The following HTR2C variants were observed in gnomAD, a reference collection of about 807,000 sequenced individuals.
HTR2C encodes the protein 5-hydroxytryptamine receptor 2C.
Under a neutral mutation model 21.0 loss-of-function variants are expected in HTR2C, and 5 were observed. That is an observed-to-expected ratio of 0.24 (90% CI 0.12 to 0.50). The LOEUF is 0.50. HTR2C is among the 20% of genes least tolerant of loss of function. HTR2C has a pLI of 0.98. For missense variants in HTR2C, 271 were observed against 371.2 expected (o/e 0.73, Z 2.22); for synonymous variants, 150 against 145.3 (o/e 1.03, Z -0.23).
intron 2 of HTR2C, among the ~76,000 whole-genome samples, chrX:114,693,276 G>C (rs1932164332): frequency 9.0e-6 from 1 of 111,212 alleles, no homozygotes; most frequent in South Asian, 3.8e-4. Context: ...GGGAAGTATG[G>C]AGAGAAAAGA....
intron 2 of HTR2C, among the ~76,000 whole-genome samples, chrX:114,710,610 T>A: frequency 8.9e-6 from 1 of 111,834 alleles, no homozygotes; most frequent in African/African-American, 3.2e-5. Flanking sequence ...CATCACTTGG[T>A]GTATAATAAT....
chrX:114,907,189 G>T lies in HTR2C; in HGVS notation c.1151G>T (p.Arg384Leu), dbSNP rs782297351. 8.3e-7 allele frequency: 1 copy of T among 1,210,660 alleles called. No individual in the cohort carries two copies. Among genetic ancestry groups the T allele is most frequent in the East Asian group, 3.0e-5 (1 of 33,802 alleles). Residue 384 changes from arginine to leucine, a missense_variant, in exon 6 of 6, where the codon CGT (arginine) becomes CTT (leucine). Physicochemically the swap from Arg to Leu is moderately radical, Grantham distance 102. This residue lies in a region of HTR2C where 192 missense variants were observed against 247.2 expected (regional missense o/e 0.78). Transcript: ENST00000276198. Reference protein sequence around the residue: ...IYRRAFSNYLRCNYKVEKKPP... With the variant: ...IYRRAFSNYLLCNYKVEKKPP... ...CGAAGGGCATTCTCCAACTATTTGC[G>T]TTGCAATTATAAGGTAGAGAAAAAG...
chrX:114,631,910 A>G (rs1929642992), intron 2 of HTR2C, among the ~76,000 whole-genome samples: 1 of 111,900 alleles, frequency 8.9e-6, no homozygotes, highest in East Asian at 2.8e-4. Flanking sequence ...CTGTTCATTC[A>G]CCTTGTTAGC....
At chrX:114,675,053 A>G (rs72620910) in intron 2 of HTR2C, among the ~76,000 whole-genome samples, 1 of 112,338 alleles carries the variant, frequency 8.9e-6, no homozygotes, top group African/African-American at 3.2e-5. Context: ...TTGCTTCTAC[A>G]TTGTGTCTAC....
intron 2 of HTR2C, among the ~76,000 whole-genome samples, chrX:114,673,550 T>C (rs1931455001): frequency 9.0e-6 from 1 of 111,655 alleles, no homozygotes; most frequent in Non-Finnish European, 1.9e-5. Flanking sequence ...TTTGATATTC[T>C]TAAATCCTAC....
At chrX:114,896,095 A>G (rs782721123) in intron 5 of HTR2C, among the ~76,000 whole-genome samples, 18 of 110,823 alleles carry the variant, frequency 1.6e-4, no homozygotes, top group African/African-American at 5.6e-4. Context: ...TTTTCTTGTG[A>G]TTTCTTTTTT....
intron 4 of HTR2C, among the ~76,000 whole-genome samples, chrX:114,815,602 G>A (rs1192647092): frequency 9.0e-6 from 1 of 111,576 alleles, no homozygotes; most frequent in Non-Finnish European, 1.9e-5. Flanking sequence ...ATATCTTGAT[G>A]ACCTCCAACC....
chrX:114,818,726 C>G (rs782563160), intron 4 of HTR2C, among the ~76,000 whole-genome samples: 113 of 111,444 alleles, frequency 1.0e-3, no homozygotes, highest in Non-Finnish European at 1.8e-3. Context: ...AAAACCACAT[C>G]CATTATTTTA....
chrX:114,871,170 T>A (rs1556476444), intron 5 of HTR2C, among the ~76,000 whole-genome samples: 1 of 111,776 alleles, frequency 8.9e-6, no homozygotes, highest in Non-Finnish European at 1.9e-5. Flanking sequence ...CCTTCTAAAT[T>A]TTTTTATTGA....
chrX:114,797,043 C>T (rs1300164119), intron 4 of HTR2C, among the ~76,000 whole-genome samples: 1 of 111,868 alleles, frequency 8.9e-6, no homozygotes, highest in African/African-American at 3.2e-5. Context: ...AGGTTAGTTT[C>T]ATTGAAATTG....
In HTR2C at chrX:114,831,386, C is replaced by T. The variant is rs76013604; in HGVS notation, c.350-16617C>T. On this transcript the variant is annotated intron_variant, in intron 4 of 5. Transcript: ENST00000276198. ...TGTTTCCTGACTTTTTAATGATTGC[C>T]ATTCTAACTGGTGTGAGATGGTATC... Among the ~76,000 whole-genome samples the T allele has an allele frequency of 6.3e-3, 582 of 93,096 alleles. 1 individual carries two copies. Among genetic ancestry groups the T allele is most frequent in the Non-Finnish European group, 9.7e-3 (446 of 46,121 alleles). The allele number at this position is 93,096 out of a possible 115,157, so 80.8% of individuals were successfully genotyped here. A position where few individuals can be genotyped will look rare whatever the true frequency, so the allele number is the denominator to read the frequency against.
chrX:114,830,368 G>A (rs1403321798), intron 4 of HTR2C, among the ~76,000 whole-genome samples: 2 of 111,515 alleles, frequency 1.8e-5, no homozygotes, highest in Non-Finnish European at 3.8e-5. Context: ...CAGGAGGTAA[G>A]GGAAGTGGGA....
intron 2 of HTR2C, among the ~76,000 whole-genome samples, chrX:114,648,795 C>T (rs971581173): frequency 1.3e-4 from 15 of 111,688 alleles, no homozygotes; most frequent in Admixed American, 4.8e-4. Flanking sequence ...CTGTGTTAGG[C>T]TCTAGTACTT....
intron 2 of HTR2C, among the ~76,000 whole-genome samples, chrX:114,722,517 G>T (rs1933261385): frequency 9.0e-6 from 1 of 110,828 alleles, no homozygotes; most frequent in Admixed American, 9.7e-5. Flanking sequence ...TCCTTCTCCT[G>T]CCTGATCGCC....
chrX:114,897,862 A>G (rs183020655), intron 5 of HTR2C, among the ~76,000 whole-genome samples: 1 of 112,685 alleles, frequency 8.9e-6, no homozygotes, highest in African/African-American at 3.2e-5. Flanking sequence ...TGCTGCAATG[A>G]ACATATACAT....
At chrX:114,803,193 C>T (rs1174387188) in intron 4 of HTR2C, among the ~76,000 whole-genome samples, 2 of 95,858 alleles carry the variant, frequency 2.1e-5, no homozygotes, top group Middle Eastern at 4.6e-3. Context: ...AATAAACATA[C>T]GTGTGCGTGT....
At chrX:114,725,280 TG>T (rs1288084895) in intron 2 of HTR2C, among the ~76,000 whole-genome samples, 1 of 111,739 alleles carries the variant, frequency 8.9e-6, no homozygotes, top group Non-Finnish European at 1.9e-5. Flanking sequence ...CTTCCATCAC[TG>T]ATACCCTTTC....
chrX:114,778,647 G>A (rs1212983251), intron 4 of HTR2C, among the ~76,000 whole-genome samples: 2 of 111,031 alleles, frequency 1.8e-5, no homozygotes, highest in Non-Finnish European at 3.8e-5. Flanking sequence ...TAGTGTTTTT[G>A]TATGCTACAT....
chrX:114,638,601 T>G (rs1459446189), intron 2 of HTR2C, among the ~76,000 whole-genome samples: 5 of 106,486 alleles, frequency 4.7e-5, no homozygotes, highest in Non-Finnish European at 7.8e-5. Flanking sequence ...TGTATACATG[T>G]GACATGCTGG....
Sources: allele counts gnomAD v4.1 joint callset (sites outside exome capture counted in the v4.1 genomes callset), GRCh38; gene constraint gnomAD v4.1.1; regional missense constraint gnomAD v4.1.1; transcripts MANE v1.5; gene names NCBI Gene and HGNC (gene_info 2026-07-23, HGNC 2026-07-21).